The following IL1RAPL1 variants were observed in gnomAD, a reference collection of about 807,000 sequenced individuals.
IL1RAPL1 encodes interleukin 1 receptor accessory protein like 1.
In IL1RAPL1, 3 loss-of-function variants were observed where a neutral mutation model predicts 48.4. The observed-to-expected ratio is 0.06, with a 90% CI of 0.03 to 0.16. The LOEUF (loss-of-function observed/expected upper bound fraction) is 0.16. Ranked by LOEUF, IL1RAPL1 falls within the 10% of genes least tolerant of loss-of-function variation. IL1RAPL1 has a pLI of 1.00. For synonymous variants in IL1RAPL1, 185 were observed against 187.7 expected, an observed-to-expected ratio of 0.99 and a Z score of 0.12; for missense variants, 349 against 530.6, an observed-to-expected ratio of 0.66 and a Z score of 3.36.
intron 6 of IL1RAPL1, among the ~76,000 whole-genome samples, chrX:29,767,596 C>T (rs936767264): frequency 1.8e-5 from 2 of 111,778 alleles, no homozygotes; most frequent in Admixed American, 1.9e-4. Flanking sequence ...TCTATATTAT[C>T]TGTAATTTAC....
chrX:29,004,397 T>A (rs1045190972), intron 2 of IL1RAPL1, among the ~76,000 whole-genome samples: 3 of 111,643 alleles, frequency 2.7e-5, no homozygotes, highest in African/African-American at 6.5e-5. Context: ...TTAGCCAGAG[T>A]AGGTAAAGGA....
At chrX:29,373,278 C>G (rs767362962) in intron 3 of IL1RAPL1, among the ~76,000 whole-genome samples, 9 of 111,888 alleles carry the variant, frequency 8.0e-5, no homozygotes, top group Admixed American at 3.8e-4. Context: ...TATCCTGAAA[C>G]TTTACTGAAG....
At chrX:28,633,963 T>C (rs1245233203) in intron 1 of IL1RAPL1, among the ~76,000 whole-genome samples, 2 of 111,760 alleles carry the variant, frequency 1.8e-5, no homozygotes, top group Non-Finnish European at 3.8e-5. Context: ...ACTTAATTGC[T>C]TTTACTAAAA....
chrX:29,144,814 C>A (rs1028766609), intron 2 of IL1RAPL1, among the ~76,000 whole-genome samples: 1 of 105,455 alleles, frequency 9.5e-6, no homozygotes, highest in Non-Finnish European at 1.9e-5. Context: ...TCAACCTCCG[C>A]CTCCCGGGTT....
chrX:29,470,892 C>T (rs902746220), intron 5 of IL1RAPL1, among the ~76,000 whole-genome samples: 1 of 111,767 alleles, frequency 8.9e-6, no homozygotes, highest in African/African-American at 3.3e-5. Flanking sequence ...TTTGGTCTCC[C>T]AAAGTGCCTG....
At chrX:29,379,533 T>C (rs1933666922) in intron 3 of IL1RAPL1, among the ~76,000 whole-genome samples, 1 of 111,888 alleles carries the variant, frequency 8.9e-6, no homozygotes, top group Admixed American at 9.5e-5. Flanking sequence ...TAGATTCCCC[T>C]GCCAGCTCAA....
chrX:29,324,119 T>C (rs1257369933), intron 3 of IL1RAPL1, among the ~76,000 whole-genome samples: 2 of 110,200 alleles, frequency 1.8e-5, no homozygotes, highest in Non-Finnish European at 3.8e-5. Flanking sequence ...ATAAGATGTG[T>C]TTTCTCATGA....
intron 5 of IL1RAPL1, among the ~76,000 whole-genome samples, chrX:29,579,263 C>A (rs745500130): frequency 4.5e-5 from 5 of 111,780 alleles, no homozygotes; most frequent in African/African-American, 1.6e-4. Flanking sequence ...TTTTGGTAAT[C>A]TTTGACAATA....
At chrX:29,093,045 T>C (rs1003757513) in intron 2 of IL1RAPL1, among the ~76,000 whole-genome samples, 2 of 111,980 alleles carry the variant, frequency 1.8e-5, no homozygotes, top group Non-Finnish European at 3.8e-5. Context: ...TGCAAAGATG[T>C]TATATCAAGT....
chrX:29,116,859 A>G lies in IL1RAPL1; in HGVS notation c.83-166079A>G, dbSNP rs1210196736. Among the ~76,000 whole-genome samples, 3 of 111,883 alleles carry G rather than the reference A, an allele frequency of 2.7e-5. No individual in the cohort carries two copies. The Admixed American group carries it at 2.9e-4, about 11-fold the overall frequency. On this transcript the variant is annotated intron_variant, in intron 2 of 10. Transcript: ENST00000378993. ...TTTTGAAAGCCCAACAAGAGTCAGCACTGGAGATACAGAAGTCAAGTCAGG... is the reference window on the plus strand; with the variant it reads ...TTTTGAAAGCCCAACAAGAGTCAGCGCTGGAGATACAGAAGTCAAGTCAGG...
At chrX:29,865,391 A>G (rs1352353553) in intron 6 of IL1RAPL1, among the ~76,000 whole-genome samples, 1 of 111,733 alleles carries the variant, frequency 8.9e-6, no homozygotes, top group Non-Finnish European at 1.9e-5. Context: ...GCTCTAGAAT[A>G]GGCAAAAACA....
In IL1RAPL1 at chrX:29,628,233, G is replaced by T. The variant is rs1482552415; in HGVS notation, c.704-40197G>T. On this transcript the variant is annotated intron_variant, in intron 5 of 10. Transcript: ENST00000378993. ...CATTCTCAATAATTGATATAGCCTC[G>T]AGCAAAGATCAAAGTTTCCTGGATA... Among the ~76,000 whole-genome samples the T allele has an allele frequency of 3.6e-5, 4 of 111,972 alleles. No individual in the cohort carries two copies. In the Admixed American group the frequency reaches 3.8e-4, roughly 11 times the overall value.
intron 2 of IL1RAPL1, among the ~76,000 whole-genome samples, chrX:28,838,390 A>G (rs1921279937): frequency 9.0e-6 from 1 of 111,324 alleles, no homozygotes; most frequent in Non-Finnish European, 1.9e-5. Context: ...AACAACTTGA[A>G]CAAAAATGAG....
chrX:29,602,439 A>G (rs1923756773), intron 5 of IL1RAPL1, among the ~76,000 whole-genome samples: 1 of 112,124 alleles, frequency 8.9e-6, no homozygotes, highest in Non-Finnish European at 1.9e-5. Context: ...AAAAAATACA[A>G]AAATAAAAAT....
chrX:28,946,574 A>C (rs759915688), intron 2 of IL1RAPL1, among the ~76,000 whole-genome samples: 1 of 111,556 alleles, frequency 9.0e-6, no homozygotes, highest in Admixed American at 9.6e-5. Context: ...TATTAAAAAG[A>C]ATAAACTTAT....
intron 2 of IL1RAPL1, among the ~76,000 whole-genome samples, chrX:29,242,848 C>CGCAACTT (rs1931445945): frequency 8.9e-6 from 1 of 111,851 alleles, no homozygotes; most frequent in African/African-American, 3.3e-5. Context: ...AGCAACTTAC[C>CGCAACTT]CATACTTACA....
intron 2 of IL1RAPL1, among the ~76,000 whole-genome samples, chrX:29,120,760 T>C (rs1475441109): frequency 9.0e-6 from 1 of 111,386 alleles, no homozygotes; most frequent in African/African-American, 3.3e-5. Flanking sequence ...ATTACCTTAA[T>C]TACAAAATTA....
intron 2 of IL1RAPL1, among the ~76,000 whole-genome samples, chrX:29,216,903 T>C (rs1930879705): frequency 9.0e-6 from 1 of 111,674 alleles, no homozygotes; most frequent in Non-Finnish European, 1.9e-5. Flanking sequence ...GCCAAAACGG[T>C]GACTATGCAC....
At chrX:29,247,025 G>T (rs1931526752) in intron 2 of IL1RAPL1, among the ~76,000 whole-genome samples, 2 of 112,074 alleles carry the variant, frequency 1.8e-5, no homozygotes, top group Non-Finnish European at 3.8e-5. Context: ...AGTTTGTTAG[G>T]GGAAACAGGA....
Sources: gnomAD v4.1 joint callset for allele counts (sites outside exome capture counted in the v4.1 genomes callset) on GRCh38, gnomAD v4.1.1 for gene constraint, MANE v1.5 for transcripts, NCBI Gene and HGNC (gene_info 2026-07-23, HGNC 2026-07-21) for gene names.